The following GLI3 variants were observed in gnomAD, a reference collection of about 807,000 sequenced individuals.
GLI3 encodes the protein GLI family zinc finger 3, also known as transcription activator GLI3.
Under a neutral mutation model 100.8 loss-of-function variants are expected in GLI3, and 20 were observed. That is an observed-to-expected ratio of 0.20 (90% CI 0.14 to 0.29). GLI3 has a LOEUF of 0.29. Ranked by LOEUF, GLI3 falls within the 10% of genes least tolerant of loss-of-function variation. The pLI is 1.00. For missense variants in GLI3, 2,040 were observed against 2,128.5 expected (o/e 0.96, Z 0.82); for synonymous variants, 938 against 860.5 (o/e 1.09, Z -1.58).
intron 6 of GLI3, 143 bp downstream of exon 6, chr7:42,045,241 C>G (rs916595114): frequency 2.3e-6 from 2 of 853,616 alleles, no homozygotes; most frequent in Admixed American, 1.7e-5. Context: ...ACGAAGGGAA[C>G]CAGAGCACCA....
rs566425503 is a variant in GLI3, at chr7:41,977,201, C to G, written c.1812+357G>C. On this transcript the variant is annotated intron_variant, in intron 12 of 14. Transcript: ENST00000395925. ...GCTACTTCTTAATATATCCTTGGGGCTTATGGGGTCATCCTTTGCATGGAT... is the reference window on the plus strand; with the variant it reads ...GCTACTTCTTAATATATCCTTGGGGGTTATGGGGTCATCCTTTGCATGGAT... 5.8e-4 allele frequency among the ~76,000 whole-genome samples: 88 copies of G among 152,308 alleles called. 1 individual carries two copies. Among genetic ancestry groups the G allele is most frequent in the African/African-American group, 2.0e-3 (84 of 41,566 alleles).
chr7:42,262,875 T>C (rs74318766), intron 1 of GLI3, among the ~76,000 whole-genome samples: 3,221 of 152,240 alleles, frequency 0.021, 36 homozygotes, highest in Middle Eastern at 0.034. Context: ...CATTTCCTAC[T>C]GACTGGCAGA....
chr7:42,012,921 C>T (rs926449567), intron 10 of GLI3, among the ~76,000 whole-genome samples: 3 of 152,192 alleles, frequency 2.0e-5, no homozygotes, highest in Admixed American at 6.5e-5. Context: ...ACAAACTGGG[C>T]TCTCCCGCAT....
intron 1 of GLI3, among the ~76,000 whole-genome samples, chr7:42,248,519 G>A (rs1788997634): frequency 6.6e-6 from 1 of 152,096 alleles, no homozygotes; most frequent in South Asian, 2.1e-4. Context: ...AATCAAAGAC[G>A]ATTAAGTGAT....
chr7:42,085,768 C>T (rs1785090246), intron 3 of GLI3, among the ~76,000 whole-genome samples: 2 of 152,144 alleles, frequency 1.3e-5, no homozygotes, highest in African/African-American at 4.8e-5. Flanking sequence ...TGCAAGCCTG[C>T]CAGAGATTGT....
chr7:42,110,479 C>G (rs1785680391), intron 3 of GLI3, among the ~76,000 whole-genome samples: 2 of 152,130 alleles, frequency 1.3e-5, no homozygotes, highest in Admixed American at 1.3e-4. Flanking sequence ...TCGTTATTTC[C>G]ACATACAATC....
intron 13 of GLI3, among the ~76,000 whole-genome samples, chr7:41,971,364 C>T (rs772006807): frequency 6.6e-6 from 1 of 152,222 alleles, no homozygotes; most frequent in African/African-American, 2.4e-5. Context: ...CAGCCCAGAA[C>T]CCAATATATT....
At chr7:42,130,265 T>C (rs768532366) in intron 3 of GLI3, among the ~76,000 whole-genome samples, 1 of 152,124 alleles carries the variant, frequency 6.6e-6, no homozygotes, top group Admixed American at 6.5e-5. Flanking sequence ...AGTTTCCATA[T>C]GCCAAGCAGA....
rs1371253399 is a variant in GLI3 at position 42,040,808 on chromosome 7, C to T, written c.827-569G>A. Among the ~76,000 whole-genome samples, 6 of 152,330 alleles carry T rather than the reference C, an allele frequency of 3.9e-5. No homozygotes were observed. In the East Asian group the frequency reaches 1.2e-3, roughly 29 times the overall value. On this transcript the variant is annotated intron_variant, in intron 6 of 14. Transcript: ENST00000395925. Reference sequence around the variant, plus strand: ...TCTACATAATTACCCTGAATCAGTGCTTCTCAACTGAGAGCAATTTTGCCC... The same window carrying T: ...TCTACATAATTACCCTGAATCAGTGTTTCTCAACTGAGAGCAATTTTGCCC...
At chr7:42,133,031 C>T (rs1478671881) in intron 3 of GLI3, among the ~76,000 whole-genome samples, 3 of 152,140 alleles carry the variant, frequency 2.0e-5, no homozygotes, top group African/African-American at 7.2e-5. Flanking sequence ...TGCACCAAAA[C>T]CCTCTCCTAC....
At chr7:41,979,030 G>A (rs1234159852) in intron 10 of GLI3, among the ~76,000 whole-genome samples, 2 of 152,232 alleles carry the variant, frequency 1.3e-5, no homozygotes, top group Non-Finnish European at 2.9e-5. Context: ...CATCTGAAGA[G>A]CAGAGTTCAA....
intron 2 of GLI3, among the ~76,000 whole-genome samples, chr7:42,199,065 G>A (rs1006263995): frequency 4.6e-5 from 7 of 151,624 alleles, no homozygotes; most frequent in Non-Finnish European, 7.4e-5. Context: ...AGTTAACAAC[G>A]AGAAACAAAA....
chr7:42,044,897 TG>T lies in GLI3; in HGVS notation c.826+486del, dbSNP rs1182030682. ...CAATCACGACAGGAAAAAATTTTTT[TG>T]GTTTGGGGAGACAGGGTCTCACTCT... On this transcript the variant is annotated intron_variant, in intron 6 of 14. Transcript: ENST00000395925. Among the ~76,000 whole-genome samples the T allele has an allele frequency of 2.0e-5, 3 of 152,160 alleles. No individual in the cohort carries two copies. The East Asian group carries it at 5.8e-4, about 29-fold the overall frequency.
rs1029006098 is a variant in GLI3, at chr7:41,972,734, A to T, written c.1813-107T>A. On this transcript the variant is annotated intron_variant, in intron 12 of 14. Transcript: ENST00000395925. This position sits in a 1 kb window ranked among gnomAD's most constrained non-coding sequence, Gnocchi z 4.4. ...ATTACATTTTTAATCCTTTCAAAAC[A>T]CTTTCACAAGGCTTTGAGGTGTTCA... 53 of 911,116 alleles carry T rather than the reference A, an allele frequency of 5.8e-5. No homozygotes were observed. Among genetic ancestry groups the T allele is most frequent in the Non-Finnish European group, 1.0e-5 (6 of 574,822 alleles). The allele number at this position is 911,116 out of a possible 1,614,324, so 56.4% of individuals were successfully genotyped here. A position where few individuals can be genotyped will look rare whatever the true frequency, so the allele number is the denominator to read the frequency against.
chr7:42,066,573 A>C (rs1784679747), intron 4 of GLI3, among the ~76,000 whole-genome samples: 1 of 152,216 alleles, frequency 6.6e-6, no homozygotes, highest in South Asian at 2.1e-4. Flanking sequence ...AGATCCCCAC[A>C]GCCTGCTCCC....
chr7:42,163,363 C>T (rs1454297869), intron 2 of GLI3, among the ~76,000 whole-genome samples: 1 of 152,032 alleles, frequency 6.6e-6, no homozygotes, highest in Non-Finnish European at 1.5e-5. Flanking sequence ...GTTGTCTCTA[C>T]CCTTTCACTC....
intron 10 of GLI3, among the ~76,000 whole-genome samples, chr7:42,020,753 G>A (rs185532910): frequency 6.6e-6 from 1 of 152,062 alleles, no homozygotes; most frequent in Non-Finnish European, 1.5e-5. Context: ...AGCCGGGCGT[G>A]GTAGCGGGCG....
chr7:42,222,903 T>C (rs1788512762), intron 2 of GLI3: 2 of 525,936 alleles, frequency 3.8e-6, no homozygotes, highest in South Asian at 3.9e-5. Context: ...CTATCACATT[T>C]ACATCTCAAA....
chr7:42,140,146 C>A (rs1486399028), intron 3 of GLI3, among the ~76,000 whole-genome samples: 2 of 152,216 alleles, frequency 1.3e-5, no homozygotes, highest in African/African-American at 4.8e-5. Flanking sequence ...TCAGATATCA[C>A]CTCCTCCGGG....
Sources: gnomAD v4.1 joint callset for allele counts (sites outside exome capture counted in the v4.1 genomes callset) on GRCh38, gnomAD v4.1.1 for gene constraint, Gnocchi (gnomAD v3.1) non-coding constraint, MANE v1.5 for transcripts, NCBI Gene and HGNC (gene_info 2026-07-23, HGNC 2026-07-21) for gene names.